The following LRRTM4 variants were observed in gnomAD, a reference collection of about 807,000 sequenced individuals.
LRRTM4 encodes the protein leucine-rich repeat transmembrane neuronal protein 4.
Under a neutral mutation model 47.6 loss-of-function variants are expected in LRRTM4, and 25 were observed. That is an observed-to-expected ratio of 0.53 (90% CI 0.38 to 0.73). The LOEUF (loss-of-function observed/expected upper bound fraction) is 0.73, where lower values mean the gene tolerates loss of function less well. Among genes scored for constraint, LRRTM4 ranks in the 30% least tolerant of loss-of-function variants. The pLI is 0.00. For synonymous variants in LRRTM4, 311 were observed against 269.5 expected (o/e 1.15, Z -1.51); for missense variants, 638 against 713.4 (o/e 0.89, Z 1.20).
intron 3 of LRRTM4, among the ~76,000 whole-genome samples, chr2:76,802,355 A>G (rs76668715): frequency 0.044 from 6,768 of 152,166 alleles, 458 homozygotes; most frequent in African/African-American, 0.14. Flanking sequence ...ATAAGAAATC[A>G]AGAAAACTAT....
chr2:77,209,622 G>A (rs923448959), intron 3 of LRRTM4, among the ~76,000 whole-genome samples: 1 of 152,060 alleles, frequency 6.6e-6, no homozygotes, highest in Non-Finnish European at 1.5e-5. Flanking sequence ...TTGTCAACCT[G>A]CCCATATACC....
intron 3 of LRRTM4, among the ~76,000 whole-genome samples, chr2:76,880,337 T>C (rs567804836): frequency 1.3e-5 from 2 of 152,310 alleles, no homozygotes; most frequent in East Asian, 1.9e-4. Flanking sequence ...TCAGCAGCCA[T>C]GGACATTGAG....
At chr2:77,501,967 A>G (rs1678586072) in intron 3 of LRRTM4, among the ~76,000 whole-genome samples, 1 of 151,440 alleles carries the variant, frequency 6.6e-6, no homozygotes. Context: ...GAGGTGAGAA[A>G]ATAAATTGAA....
At chr2:77,124,897 T>C (rs1384970619) in intron 3 of LRRTM4, among the ~76,000 whole-genome samples, 1 of 152,136 alleles carries the variant, frequency 6.6e-6, no homozygotes, top group African/African-American at 2.4e-5. Context: ...ACTGCAGATA[T>C]GTCTTCAGGA....
At chr2:77,348,046 C>T (rs1671632652) in intron 3 of LRRTM4, among the ~76,000 whole-genome samples, 1 of 151,310 alleles carries the variant, frequency 6.6e-6, no homozygotes, top group South Asian at 2.1e-4. Flanking sequence ...CACACACACA[C>T]ACATATTTAC....
chr2:77,273,632 G>A (rs1205560354), intron 3 of LRRTM4, among the ~76,000 whole-genome samples: 2 of 152,154 alleles, frequency 1.3e-5, no homozygotes, highest in East Asian at 3.9e-4. Context: ...TGTTTAAAGG[G>A]GTTGAATGTA....
At position 76,982,898 on chromosome 2, in the gene LRRTM4, C is replaced by T. The variant is rs142335347; in HGVS notation, c.1552-233982G>A. Among the ~76,000 whole-genome samples the T allele has an allele frequency of 3.8e-3, 572 of 152,128 alleles. 1 individual carries two copies. Among genetic ancestry groups the T allele is most frequent in the African/African-American group, 0.013 (547 of 41,550 alleles). On this transcript the variant is annotated intron_variant, in intron 3 of 3. Transcript: ENST00000409884. ...CAATTTATATTAAAAAAAATTCTTA[C>T]AGACATGGCTCTTTTGCAATAGCAT...
intron 3 of LRRTM4, among the ~76,000 whole-genome samples, chr2:77,472,679 C>T (rs898725223): frequency 2.6e-5 from 4 of 152,086 alleles, no homozygotes; most frequent in Admixed American, 6.6e-5. Flanking sequence ...CTACTGCGTG[C>T]ATTCTACATT....
chr2:77,245,878 A>G (rs141429293), intron 3 of LRRTM4, among the ~76,000 whole-genome samples: 14 of 152,300 alleles, frequency 9.2e-5, no homozygotes, highest in African/African-American at 3.4e-4. Flanking sequence ...CACTGGGGCT[A>G]TGAAGCAACA....
intron 3 of LRRTM4, among the ~76,000 whole-genome samples, chr2:77,190,929 C>T (rs543634979): frequency 6.6e-6 from 1 of 152,120 alleles, no homozygotes; most frequent in East Asian, 1.9e-4. Flanking sequence ...AGTAATGTTC[C>T]TAAAATGCTT....
intron 3 of LRRTM4, among the ~76,000 whole-genome samples, chr2:77,388,537 G>A (rs1673376378): frequency 6.6e-6 from 1 of 152,000 alleles, no homozygotes; most frequent in African/African-American, 2.4e-5. Context: ...AAATGTAAGT[G>A]TTTTTGAAAT....
chr2:77,498,161 T>C (rs1411629574), intron 3 of LRRTM4, among the ~76,000 whole-genome samples: 1 of 151,860 alleles, frequency 6.6e-6, no homozygotes, highest in East Asian at 1.9e-4. Flanking sequence ...TTTGTTCAGA[T>C]TTGTTCAGAT....
At chr2:77,405,215 T>A (rs1194079036) in intron 3 of LRRTM4, among the ~76,000 whole-genome samples, 2 of 152,110 alleles carry the variant, frequency 1.3e-5, no homozygotes. Flanking sequence ...ATTAATACTA[T>A]TCATTTTGAT....
intron 3 of LRRTM4, among the ~76,000 whole-genome samples, chr2:77,120,931 T>C (rs1368494892): frequency 6.6e-6 from 1 of 151,748 alleles, no homozygotes; most frequent in East Asian, 1.9e-4. Flanking sequence ...AGTCATTCAA[T>C]GCAGAACCCT....
chr2:77,145,064 T>C (rs1053275763), intron 3 of LRRTM4, among the ~76,000 whole-genome samples: 1 of 152,068 alleles, frequency 6.6e-6, no homozygotes, highest in Non-Finnish European at 1.5e-5. Flanking sequence ...TTAAAATGTA[T>C]TAAATTCAGT....
intron 3 of LRRTM4, among the ~76,000 whole-genome samples, chr2:77,503,502 C>G (rs1448078492): frequency 6.6e-6 from 1 of 151,634 alleles, no homozygotes; most frequent in Admixed American, 6.6e-5. Context: ...AAATAAGAAG[C>G]TGGCATATAT....
At chr2:77,273,157 G>A (rs1055205486) in intron 3 of LRRTM4, among the ~76,000 whole-genome samples, 1 of 152,038 alleles carries the variant, frequency 6.6e-6, no homozygotes, top group African/African-American at 2.4e-5. Flanking sequence ...TTAATTTAAT[G>A]GAAGATTTCC....
In LRRTM4 at chr2:77,135,882, CAT is replaced by C. The variant is rs1491512550; in HGVS notation, c.1551+382434_1551+382435del. Among the ~76,000 whole-genome samples the C allele has an allele frequency of 2.0e-5, 3 of 152,074 alleles. No homozygotes were observed. In the East Asian group the frequency reaches 5.8e-4, roughly 29 times the overall value. Reference sequence around the variant, plus strand: ...AAATGAATAAATAAATAAATTTTTACATTTTTTTTACAGTCTCAAATGTAATT... The same window carrying C: ...AAATGAATAAATAAATAAATTTTTACTTTTTTTACAGTCTCAAATGTAATT... On this transcript the variant is annotated intron_variant, in intron 3 of 3. Transcript: ENST00000409884.
At chr2:77,146,377 T>G (rs1273909270) in intron 3 of LRRTM4, among the ~76,000 whole-genome samples, 1 of 152,294 alleles carries the variant, frequency 6.6e-6, no homozygotes, top group East Asian at 1.9e-4. Flanking sequence ...TTCATTACTT[T>G]CCTTATCTTT....
Sources: allele counts gnomAD v4.1 joint callset (sites outside exome capture counted in the v4.1 genomes callset), GRCh38; gene constraint gnomAD v4.1.1; transcripts MANE v1.5; gene names NCBI Gene and HGNC (gene_info 2026-07-23, HGNC 2026-07-21).